The following AP2A2 variants were observed in gnomAD, a reference collection of about 807,000 sequenced individuals.
AP2A2 encodes AP-2 complex subunit alpha-2.
A neutral mutation model predicts 104.2 loss-of-function variants in AP2A2; 32 were observed. The observed-to-expected ratio is 0.31, with a 90% confidence interval of 0.23 to 0.41. AP2A2 has a LOEUF of 0.41. AP2A2 is among the 10% of genes least tolerant of loss of function. The pLI is 1.00. For missense variants in AP2A2, 912 were observed against 1,261.0 expected, an observed-to-expected ratio of 0.72 and a Z score of 4.19; for synonymous variants, 539 against 533.3, an observed-to-expected ratio of 1.01 and a Z score of -0.15.
Position 1,010,660 on chromosome 11 carries a change from T to G in AP2A2, c.*35T>G. On this transcript the variant is annotated 3_prime_UTR_variant, in exon 22 of 22. Transcript: ENST00000448903. ...TGGAAGACCAGGCTCGTGTGTCTTG[T>G]GTTGTCTTCGTCTGTGCCGTTTGTC... 4 of 1,530,686 alleles carry G rather than the reference T, an allele frequency of 2.6e-6. No individual in the cohort carries two copies. The highest frequency in any genetic ancestry group is 3.6e-6 in the Non-Finnish European group (4 of 1,123,408). 94.8% of individuals were successfully genotyped at this position (1,530,686 alleles called of 1,614,324 possible). A position where few individuals can be genotyped will look rare whatever the true frequency, so the allele number is the denominator to read the frequency against.
intron 16 of AP2A2, among the ~76,000 whole-genome samples, chr11:1,006,239 C>T (rs554642365): frequency 7.2e-5 from 11 of 152,354 alleles, no homozygotes; most frequent in Admixed American, 5.9e-4. Flanking sequence ...CGTGCATATG[C>T]GTGTGATCTC....
chr11:1,002,735 C>T (rs535979436), intron 15 of AP2A2, among the ~76,000 whole-genome samples: 1 of 152,400 alleles, frequency 6.6e-6, no homozygotes, highest in South Asian at 2.1e-4. Context: ...AGCACTCAGA[C>T]CTTCCAGGGT....
Position 972,149 on chromosome 11 carries a change from C to T in AP2A2, c.367C>T (p.Arg123Cys), listed in dbSNP as rs368541164. The T allele has an allele frequency of 7.4e-6, 12 of 1,613,420 alleles. No homozygotes were observed. The highest frequency in any genetic ancestry group is 3.3e-5 in the South Asian group (3 of 91,034). ...NNAIKNDLAS[R>C]NPTFMGLALH... The stretch of plus-strand genomic sequence containing the variant: ...CGCCATCAAGAATGACCTGGCCAGC[C>T]GCAACCCCACCTTCATGGGCCTGGC... Residue 123 changes from arginine (R) to cysteine (C), a missense_variant, in exon 4 of 22, where the codon CGC (arginine) becomes TGC (cysteine). Physicochemically the swap from Arg to Cys is radical, Grantham distance 180 (BLOSUM62 -3). This residue lies in a region of AP2A2 where 350 missense variants were observed against 487.0 expected (regional missense o/e 0.72). Transcript: ENST00000448903.
chr11:988,966 G>A, intron 10 of AP2A2: 1 of 477,456 alleles, frequency 2.1e-6, no homozygotes, highest in Non-Finnish European at 3.8e-6. Context: ...CTGCACTCTA[G>A]CCTGGGCAAC....
In AP2A2 at chr11:968,753, C is replaced by T. The variant is rs1854712005; in HGVS notation, c.137-1416C>T. Among the ~76,000 whole-genome samples the T allele has an allele frequency of 6.6e-6, 1 of 151,306 alleles. No homozygotes were observed. ...GCACGGAGAACGTGTCTGCTGGGACCCCTTGGGCACAGCAAGCAGATAAGT... is the reference window on the plus strand; with the variant it reads ...GCACGGAGAACGTGTCTGCTGGGACTCCTTGGGCACAGCAAGCAGATAAGT... On this transcript the variant is annotated intron_variant, in intron 2 of 21. Transcript: ENST00000448903. The surrounding 1 kb of genome is among the most constrained non-coding windows in gnomAD (Gnocchi z 4.2).
At chr11:999,339 C>T (rs2040258422) in intron 14 of AP2A2, among the ~76,000 whole-genome samples, 1 of 152,156 alleles carries the variant, frequency 6.6e-6, no homozygotes, top group Non-Finnish European at 1.5e-5. Flanking sequence ...TGGTGAAACC[C>T]TGTCTCCACT....
Position 970,158 on chromosome 11 carries a change from C to T in AP2A2, c.137-11C>T. The stretch of plus-strand genomic sequence containing the variant: ...GCCTGGAATAAAACCTCTTCCCCAC[C>T]TTTTCTGTAGGTGACAAGGCTCTTG... On this transcript the variant is annotated splice_polypyrimidine_tract_variant and intron_variant, in intron 2 of 21. Transcript: ENST00000448903. 1.2e-6 allele frequency: 2 copies of T among 1,613,610 alleles called. No individual in the cohort carries two copies. Among genetic ancestry groups the T allele is most frequent in the African/African-American group, 1.3e-5 (1 of 75,016 alleles).
chr11:935,829 C>T (rs1220513362), intron 1 of AP2A2, among the ~76,000 whole-genome samples: 3 of 149,690 alleles, frequency 2.0e-5, no homozygotes, highest in African/African-American at 4.9e-5. Flanking sequence ...CTCCCGACCT[C>T]GTGATCCACC....
chr11:953,937 C>T (rs916762550), intron 1 of AP2A2, among the ~76,000 whole-genome samples: 1 of 151,472 alleles, frequency 6.6e-6, no homozygotes, highest in Non-Finnish European at 1.5e-5. Context: ...TGGGTTCAAG[C>T]GATTCTTCTG....
chr11:991,396 G>A (rs1855650593), intron 10 of AP2A2, among the ~76,000 whole-genome samples: 1 of 152,216 alleles, frequency 6.6e-6, no homozygotes, highest in Admixed American at 6.5e-5. Flanking sequence ...ACTCCTGGGG[G>A]GCTGTGTGGA....
At chr11:947,858 T>C (rs2134510094) in intron 1 of AP2A2, among the ~76,000 whole-genome samples, 1 of 152,222 alleles carries the variant, frequency 6.6e-6, no homozygotes, top group South Asian at 2.1e-4. Flanking sequence ...CTTGGGAGAC[T>C]GAGACAGGAG....
chr11:932,829 A>G, intron 1 of AP2A2: 2 of 442,830 alleles, frequency 4.5e-6, no homozygotes, highest in Non-Finnish European at 9.0e-6. Context: ...TGGTGAACAT[A>G]TTTTGTGCCA....
At chr11:957,474 G>A (rs950523951) in intron 1 of AP2A2, among the ~76,000 whole-genome samples, 25 of 152,298 alleles carry the variant, frequency 1.6e-4, no homozygotes, top group Middle Eastern at 3.4e-3. Flanking sequence ...CAGAAATGTG[G>A]GTCTTGTGAC....
intron 1 of AP2A2, among the ~76,000 whole-genome samples, chr11:926,619 T>A (rs1286146275): frequency 6.6e-6 from 1 of 152,214 alleles, no homozygotes; most frequent in Non-Finnish European, 1.5e-5. Flanking sequence ...AGCAGAAATC[T>A]GGAAATCAGT....
At chr11:946,873 G>A (rs1399419180) in intron 1 of AP2A2, 2 of 152,088 alleles carry the variant, frequency 1.3e-5, no homozygotes, top group Admixed American at 6.6e-5. Context: ...AATGTCTCAG[G>A]CTGGAATGAA....
At chr11:929,329 A>C (rs1003685640) in intron 1 of AP2A2, among the ~76,000 whole-genome samples, 1 of 152,172 alleles carries the variant, frequency 6.6e-6, no homozygotes, top group Non-Finnish European at 1.5e-5. Flanking sequence ...GCCAACAGCC[A>C]AGGCTCTTGA....
chr11:950,101 G>A (rs970264385), intron 1 of AP2A2, among the ~76,000 whole-genome samples: 1 of 152,132 alleles, frequency 6.6e-6, no homozygotes, highest in African/African-American at 2.4e-5. Context: ...CAGCAGGAGT[G>A]CCAAGATAAT....
chr11:1,000,104 C>G (rs983036653), intron 14 of AP2A2, among the ~76,000 whole-genome samples: 1 of 152,138 alleles, frequency 6.6e-6, no homozygotes, highest in African/African-American at 2.4e-5. Context: ...CCGCGTCTGG[C>G]CTTTTTTTAT....
At chr11:998,256 G>A (rs960979309) in intron 14 of AP2A2, among the ~76,000 whole-genome samples, 6 of 152,260 alleles carry the variant, frequency 3.9e-5, no homozygotes, top group African/African-American at 7.2e-5. Context: ...GAGGTGCTCC[G>A]TCACAAGAGC....
Sources: allele counts gnomAD v4.1 joint callset (sites outside exome capture counted in the v4.1 genomes callset), GRCh38; gene constraint gnomAD v4.1.1; regional missense constraint gnomAD v4.1.1; non-coding constraint Gnocchi (gnomAD v3.1); transcripts MANE v1.5; gene names NCBI Gene and HGNC (gene_info 2026-07-23, HGNC 2026-07-21).